Variants in PRELID2 observed in about 807,000 individuals in gnomAD.
PRELID2 encodes the protein PRELI domain containing 2, also known as PRELI domain-containing protein 2.
Under a neutral mutation model 28.4 loss-of-function variants are expected in PRELID2, and 25 were observed. The ratio of observed to expected loss-of-function variants is 0.88; its 90% CI spans 0.64 to 1.23. The LOEUF (loss-of-function observed/expected upper bound fraction) is 1.23. PRELID2 is among the 50% of genes most tolerant of loss of function. PRELID2 has a pLI of 0.00. For missense variants in PRELID2, 201 were observed against 214.4 expected (o/e 0.94, Z 0.39); for synonymous variants, 76 against 71.6 (o/e 1.06, Z -0.31).
rs192718554 is a variant in PRELID2 at position 145,526,210 on chromosome 5, A to C, written n.71-52895T>G. Among the ~76,000 whole-genome samples the C allele has an allele frequency of 3.4e-3, 523 of 152,254 alleles. 3 individuals carry two copies. Among genetic ancestry groups the C allele is most frequent in the African/African-American group, 0.012 (497 of 41,554 alleles). On this transcript the variant is annotated intron_variant and non_coding_transcript_variant, in intron 1 of 2. Coordinates refer to the PRELID2 transcript ENST00000510259. ...TATTATTACAAACGTAGAAACCAAA[A>C]CTCAGGTGATGGGACTCATCCAAGG...
the PRELID2 span, among the ~76,000 whole-genome samples, chr5:145,382,393 A>G: frequency 2.6e-5 from 4 of 152,074 alleles, no homozygotes; most frequent in African/African-American, 7.2e-5. Flanking sequence ...AAAAATATTA[A>G]TTTTGAGATT....
chr5:145,423,320 CT>C, the PRELID2 span, among the ~76,000 whole-genome samples: 1 of 151,052 alleles, frequency 6.6e-6, no homozygotes, highest in African/African-American at 2.4e-5. Context: ...GGATAATATC[CT>C]GCAGAGTGTT....
intron 1 of PRELID2, among the ~76,000 whole-genome samples, chr5:145,520,722 A>G (rs578131952): frequency 6.6e-6 from 1 of 152,290 alleles, no homozygotes; most frequent in African/African-American, 2.4e-5. Context: ...TAACTGTATA[A>G]ATATGTTTTA....
At chr5:145,320,574 A>G in the PRELID2 span, among the ~76,000 whole-genome samples, 1 of 152,308 alleles carries the variant, frequency 6.6e-6, no homozygotes, top group Non-Finnish European at 1.5e-5. Flanking sequence ...GATAAGCCAC[A>G]CCAGAAGCAC....
rs577433319 is a variant in PRELID2 at position 145,507,111 on chromosome 5, T to C, written n.71-33796A>G. On this transcript the variant is annotated intron_variant and non_coding_transcript_variant, in intron 1 of 2. Transcript: ENST00000510259. ...ATAAATCCTTATAAGATAAATACAT[T>C]CTAGAAACCTGCATTCTTATGTACA... 2.6e-5 allele frequency among the ~76,000 whole-genome samples: 4 copies of C among 152,272 alleles called. No homozygotes were observed. In the South Asian group the frequency reaches 8.3e-4, roughly 32 times the overall value.
intron 1 of PRELID2, among the ~76,000 whole-genome samples, chr5:145,517,933 T>C (rs899120982): frequency 4.6e-5 from 7 of 151,894 alleles, no homozygotes; most frequent in African/African-American, 1.5e-4. Flanking sequence ...TAAGTGGGTG[T>C]TGAACTATGA....
chr5:145,653,425 C>A (rs188407039), intron 1 of PRELID2, among the ~76,000 whole-genome samples: 12 of 152,318 alleles, frequency 7.9e-5, no homozygotes, highest in Admixed American at 7.8e-4. Context: ...GAACTCTCCA[C>A]CCCAAATCAA....
the PRELID2 span, among the ~76,000 whole-genome samples, chr5:145,261,488 C>T: frequency 2.6e-4 from 39 of 152,282 alleles, no homozygotes; most frequent in South Asian, 7.9e-3. Context: ...GACCTGAAGA[C>T]AGATCACATC....
At chr5:145,711,745 GC>G (rs923219021) in intron 1 of PRELID2, among the ~76,000 whole-genome samples, 1 of 151,942 alleles carries the variant, frequency 6.6e-6, no homozygotes, top group African/African-American at 2.4e-5. Context: ...GGGTTGGGGG[GC>G]GGGGGCAAGA....
At chr5:145,518,174 A>G (rs892389697) in intron 1 of PRELID2, among the ~76,000 whole-genome samples, 36 of 121,338 alleles carry the variant, frequency 3.0e-4, no homozygotes, top group Admixed American at 4.2e-4. Flanking sequence ...TAATAATAAT[A>G]ATAATGATGT....
chr5:145,714,735 C>G (rs1755796751), intron 1 of PRELID2, among the ~76,000 whole-genome samples: 1 of 152,150 alleles, frequency 6.6e-6, no homozygotes, highest in Non-Finnish European at 1.5e-5. Context: ...CCCTTTCTCT[C>G]CTTTTATTTT....
chr5:145,557,044 A>C (rs1216157641), intron 1 of PRELID2, among the ~76,000 whole-genome samples: 1 of 152,190 alleles, frequency 6.6e-6, no homozygotes, highest in Non-Finnish European at 1.5e-5. Context: ...GTGATAATCT[A>C]ATCATCTAAT....
At chr5:145,471,518 A>G (rs921827616), downstream of PRELID2, among the ~76,000 whole-genome samples, 1 of 152,142 alleles carries the variant, frequency 6.6e-6, no homozygotes, top group Non-Finnish European at 1.5e-5. Context: ...CTCAGTTGTC[A>G]TAACTACTAT....
intron 1 of PRELID2, among the ~76,000 whole-genome samples, chr5:145,539,252 A>T (rs973813413): frequency 2.6e-5 from 4 of 152,050 alleles, no homozygotes; most frequent in African/African-American, 4.8e-5. Context: ...TTTGAGTTAT[A>T]TATGTAGCAG....
the PRELID2 span, among the ~76,000 whole-genome samples, chr5:145,360,251 G>A: frequency 3.5e-4 from 53 of 152,306 alleles, no homozygotes; most frequent in African/African-American, 1.2e-3. Flanking sequence ...GCACCACCAC[G>A]TGGGCATCCC....
chr5:145,783,829 T>C (rs1751802438), intron 5 of PRELID2, among the ~76,000 whole-genome samples: 1 of 152,242 alleles, frequency 6.6e-6, no homozygotes, highest in Non-Finnish European at 1.5e-5. Context: ...AACGACGGTT[T>C]TATGCTCTTT....
At chr5:145,287,779 C>A in the PRELID2 span, among the ~76,000 whole-genome samples, 1 of 151,996 alleles carries the variant, frequency 6.6e-6, no homozygotes, top group African/African-American at 2.4e-5. Context: ...TCTAGTTGTA[C>A]CTGATGTTCT....
the PRELID2 span, among the ~76,000 whole-genome samples, chr5:145,363,022 C>A: frequency 6.8e-6 from 1 of 146,740 alleles, no homozygotes; most frequent in African/African-American, 2.5e-5. Flanking sequence ...AAATCTGATT[C>A]TTTTTTCTTC....
At chr5:145,713,697 T>C (rs937357398) in intron 1 of PRELID2, among the ~76,000 whole-genome samples, 7 of 143,696 alleles carry the variant, frequency 4.9e-5, no homozygotes, top group Non-Finnish European at 9.1e-5. Flanking sequence ...ACACTATATA[T>C]ATATAAAGTC....
Sources: gnomAD v4.1 joint callset for allele counts (sites outside exome capture counted in the v4.1 genomes callset) on GRCh38, gnomAD v4.1.1 for gene constraint, MANE v1.5 for transcripts, NCBI Gene and HGNC (gene_info 2026-07-23, HGNC 2026-07-21) for gene names.